The following SHC3 variants were observed in gnomAD, a reference collection of about 807,000 sequenced individuals.
SHC3 encodes the protein SHC-transforming protein 3.
In SHC3, 15 loss-of-function variants were observed where a neutral mutation model predicts 60.4. The observed-to-expected ratio is 0.25, with a 90% CI of 0.17 to 0.38. The LOEUF (loss-of-function observed/expected upper bound fraction) is 0.38, where lower values mean the gene tolerates loss of function less well. SHC3 is among the 10% of genes least tolerant of loss of function. The pLI is 1.00. For missense variants in SHC3, 677 were observed against 786.1 expected (o/e 0.86, Z 1.66); for synonymous variants, 294 against 325.9 (o/e 0.90, Z 1.05).
chr9:89,101,354 A>G (rs1420486617), intron 2 of SHC3, among the ~76,000 whole-genome samples: 1 of 152,100 alleles, frequency 6.6e-6, no homozygotes, highest in Non-Finnish European at 1.5e-5. Flanking sequence ...ATGAAAAAAA[A>G]GATACTTTTA....
At chr9:89,173,915 T>C (rs1182583902) in intron 1 of SHC3, among the ~76,000 whole-genome samples, 1 of 152,212 alleles carries the variant, frequency 6.6e-6, no homozygotes, top group Non-Finnish European at 1.5e-5. Context: ...ATCCATATCA[T>C]AAGATTTCGA....
intron 11 of SHC3, among the ~76,000 whole-genome samples, chr9:89,025,926 G>A (rs1826289345): frequency 1.3e-5 from 2 of 152,142 alleles, no homozygotes; most frequent in African/African-American, 4.8e-5. Flanking sequence ...AATTAAGTAA[G>A]AGTCTGGTAC....
intron 1 of SHC3, among the ~76,000 whole-genome samples, chr9:89,116,349 T>C (rs1826018814): frequency 6.6e-6 from 1 of 152,164 alleles, no homozygotes; most frequent in Non-Finnish European, 1.5e-5. Flanking sequence ...ACCACCATCA[T>C]GGTGTTATGT....
At chr9:89,160,079 A>T (rs1262854362) in intron 1 of SHC3, among the ~76,000 whole-genome samples, 1 of 152,236 alleles carries the variant, frequency 6.6e-6, no homozygotes, top group African/African-American at 2.4e-5. Flanking sequence ...CTGCTTCCCA[A>T]GGATTTTAAC....
rs547578262 is a variant in SHC3 at position 89,052,926 on chromosome 9, C to T, written c.836-763G>A. On this transcript the variant is annotated intron_variant, in intron 6 of 11. Coordinates refer to ENST00000375835, the MANE Select transcript of SHC3 (RefSeq NM_016848.6). ...TGCTTGAAGCAGGCACCAGCTGTTA[C>T]ACAAGGACATGATGTCCTAGTGGCA... Among the ~76,000 whole-genome samples the T allele has an allele frequency of 2.6e-5, 4 of 152,316 alleles. No homozygotes were observed. In the South Asian group the frequency reaches 8.3e-4, roughly 32 times the overall value.
At chr9:89,084,509 C>T (rs769579802) in intron 2 of SHC3, among the ~76,000 whole-genome samples, 6 of 152,158 alleles carry the variant, frequency 3.9e-5, no homozygotes, top group Non-Finnish European at 5.9e-5. Context: ...AAAATTGAGG[C>T]TAATTTTCCT....
chr9:89,122,444 G>A (rs1445009684), intron 1 of SHC3, among the ~76,000 whole-genome samples: 1 of 152,118 alleles, frequency 6.6e-6, no homozygotes, highest in Non-Finnish European at 1.5e-5. Flanking sequence ...AAATGCATTG[G>A]GCTGAATGGA....
intron 10 of SHC3, among the ~76,000 whole-genome samples, chr9:89,040,120 C>T (rs1396041945): frequency 7.0e-6 from 1 of 143,730 alleles, no homozygotes; most frequent in African/African-American, 2.6e-5. Context: ...ATCATCACCA[C>T]CACCAGCACC....
intron 1 of SHC3, among the ~76,000 whole-genome samples, chr9:89,121,773 G>T (rs536178253): frequency 6.6e-6 from 1 of 152,276 alleles, no homozygotes; most frequent in Non-Finnish European, 1.5e-5. Flanking sequence ...ATAGTATGGT[G>T]AATTATAAAC....
chr9:89,164,313 G>A (rs149785764), intron 1 of SHC3, among the ~76,000 whole-genome samples: 1 of 152,278 alleles, frequency 6.6e-6, no homozygotes, highest in Non-Finnish European at 1.5e-5. Flanking sequence ...CTGAAAGGGA[G>A]AGGCAGGACA....
chr9:89,040,162 C>CCATCAT (rs775941689), intron 10 of SHC3, among the ~76,000 whole-genome samples: 2 of 26,548 alleles, frequency 7.5e-5, no homozygotes, highest in East Asian at 1.1e-3. Context: ...ATCATCATCA[C>CCATCAT]CATCATCATC....
chr9:89,128,360 C>T (rs994193614), intron 1 of SHC3, among the ~76,000 whole-genome samples: 1 of 152,140 alleles, frequency 6.6e-6, no homozygotes, highest in Non-Finnish European at 1.5e-5. Flanking sequence ...GAAACTTCTG[C>T]AGACCTAAAC....
At chr9:89,109,486 C>T (rs755394176) in intron 2 of SHC3, 17 of 985,370 alleles carry the variant, frequency 1.7e-5, no homozygotes, top group Non-Finnish European at 1.9e-5. Context: ...TTACCTTGGA[C>T]TTTTGTTTTC....
At chr9:89,108,884 C>G (rs1207913665) in intron 2 of SHC3, among the ~76,000 whole-genome samples, 1 of 152,160 alleles carries the variant, frequency 6.6e-6, no homozygotes, top group Non-Finnish European at 1.5e-5. Flanking sequence ...GCTAACCACT[C>G]TCAAAGAAGA....
chr9:89,134,068 T>C (rs977726366), intron 1 of SHC3, among the ~76,000 whole-genome samples: 2 of 152,078 alleles, frequency 1.3e-5, no homozygotes, highest in Admixed American at 6.6e-5. Flanking sequence ...ATAATTATAA[T>C]CACTTATGAA....
At chr9:89,168,579 T>C (rs1386837774) in intron 1 of SHC3, among the ~76,000 whole-genome samples, 2 of 152,134 alleles carry the variant, frequency 1.3e-5, no homozygotes, top group Non-Finnish European at 2.9e-5. Flanking sequence ...TGTTAAGAAA[T>C]AGAAATCCCT....
At chr9:89,056,514 C>T (rs1371042060) in intron 6 of SHC3, among the ~76,000 whole-genome samples, 1 of 152,198 alleles carries the variant, frequency 6.6e-6, no homozygotes, top group African/African-American at 2.4e-5. Flanking sequence ...GCCACCATAC[C>T]CACCCACCTC....
chr9:89,162,150 G>A lies in SHC3; in HGVS notation c.474+15837C>T, dbSNP rs960227778. ...CATAGGTAGGAAGAATCAATATCGT[G>A]AAAATGGCCATACTGCCCAAGGTAA... On this transcript the variant is annotated intron_variant, in intron 1 of 11. Transcript: ENST00000375835. Among the ~76,000 whole-genome samples, 91 of 146,126 alleles carry A rather than the reference G, an allele frequency of 6.2e-4. 1 individual carries two copies. The South Asian group carries it at 0.017, about 28-fold the overall frequency.
chr9:89,038,441 G>A (rs567883809), intron 10 of SHC3, among the ~76,000 whole-genome samples, 153 bp from the exon 11 acceptor site: 11 of 151,906 alleles, frequency 7.2e-5, no homozygotes, highest in Middle Eastern at 3.5e-3. Flanking sequence ...CTAACTGGCT[G>A]GTAATATAAC....
Sources: allele counts gnomAD v4.1 joint callset (sites outside exome capture counted in the v4.1 genomes callset), GRCh38; gene constraint gnomAD v4.1.1; transcripts MANE v1.5; gene names NCBI Gene and HGNC (gene_info 2026-07-23, HGNC 2026-07-21).